The following KL variants were observed in gnomAD, a reference collection of about 807,000 sequenced individuals.
KL encodes klotho.
In KL, 62 loss-of-function variants were observed where a neutral mutation model predicts 84.2. The ratio of observed to expected loss-of-function variants is 0.74; its 90% CI spans 0.60 to 0.91. KL has a LOEUF of 0.91. Among genes scored for constraint, KL ranks in the 40% least tolerant of loss-of-function variants. The probability of loss-of-function intolerance (pLI) is 0.00; values close to 1 mark genes in which losing one functional copy is unlikely to be tolerated. For missense variants in KL, 1,261 were observed against 1,305.7 expected, an observed-to-expected ratio of 0.97 and a Z score of 0.53; for synonymous variants, 528 against 528.0, an observed-to-expected ratio of 1.00 and a Z score of 0.00.
chr13:33,040,705 C>A (rs975688740), intron 1 of KL, among the ~76,000 whole-genome samples: 2 of 152,158 alleles, frequency 1.3e-5, no homozygotes, highest in Admixed American at 6.5e-5. Context: ...TTCAGTATTA[C>A]CCCTGAAACA....
At chr13:33,050,909 C>A (rs577094943) in intron 1 of KL, among the ~76,000 whole-genome samples, 27 of 152,306 alleles carry the variant, frequency 1.8e-4, no homozygotes, top group Admixed American at 1.1e-3. Context: ...TTGTACAGAG[C>A]AGTAAGTGAG....
chr13:33,047,387 C>G (rs1198955), intron 1 of KL, among the ~76,000 whole-genome samples: 100,108 of 149,344 alleles, frequency 0.67, 33,845 homozygotes, highest in Admixed American at 0.77. Flanking sequence ...GAGTCTTGCT[C>G]TGTTGCCCAG....
chr13:33,061,478 C>G lies in KL; in HGVS notation c.2399C>G (p.Thr800Ser), dbSNP rs1013502939. Residue 800 changes from threonine to serine, a missense_variant, in exon 4 of 5, where the codon ACC becomes AGC. Thr to Ser is a moderately conservative substitution (Grantham distance 58). Transcript: ENST00000380099. The part of the protein sequence containing the change: ...TEDEKKLIQG[T>S]FDFLALSHYT... ...GATGAAAAAAAGCTAATCCAGGGTA[C>G]CTTTGACTTTTTGGCTTTAAGCCAT... The G allele has an allele frequency of 1.9e-6, 3 of 1,614,028 alleles. No individual in the cohort carries two copies. Among genetic ancestry groups the G allele is most frequent in the African/African-American group, 1.3e-5 (1 of 74,902 alleles).
intron 1 of KL, among the ~76,000 whole-genome samples, chr13:33,032,392 A>C (rs1871003480): frequency 6.6e-6 from 1 of 152,154 alleles, no homozygotes; most frequent in African/African-American, 2.4e-5. Flanking sequence ...AGTCATCTGA[A>C]GCTTGAACGG....
intron 1 of KL, among the ~76,000 whole-genome samples, chr13:33,037,611 C>CT (rs1871186800): frequency 6.6e-6 from 1 of 152,186 alleles, no homozygotes; most frequent in African/African-American, 2.4e-5. Context: ...TATCCTTTGA[C>CT]TCTGGCCTTC....
At chr13:33,017,588 G>A (rs2138184929) in intron 1 of KL, among the ~76,000 whole-genome samples, 1 of 152,328 alleles carries the variant, frequency 6.6e-6, no homozygotes, top group East Asian at 1.9e-4. Flanking sequence ...TTTGCTAGGA[G>A]TAACTGCAGG....
intron 1 of KL, among the ~76,000 whole-genome samples, chr13:33,018,454 G>A (rs1870452131): frequency 6.6e-6 from 1 of 152,198 alleles, no homozygotes; most frequent in Admixed American, 6.5e-5. Context: ...TGTAATAATG[G>A]CTAAATTAGA....
intron 1 of KL, among the ~76,000 whole-genome samples, chr13:33,042,496 G>A (rs1871372715): frequency 6.6e-6 from 1 of 151,326 alleles, no homozygotes; most frequent in African/African-American, 2.4e-5. Context: ...CTCTGTGTCT[G>A]AGTTCTTTCA....
At chr13:33,045,476 T>G (rs1370445176) in intron 1 of KL, among the ~76,000 whole-genome samples, 1 of 152,164 alleles carries the variant, frequency 6.6e-6, no homozygotes, top group Non-Finnish European at 1.5e-5. Flanking sequence ...TTTCATAATT[T>G]TTTGTTTGTT....
intron 1 of KL, among the ~76,000 whole-genome samples, chr13:33,031,619 G>C (rs552304464): frequency 6.6e-6 from 1 of 151,972 alleles, no homozygotes; most frequent in Non-Finnish European, 1.5e-5. Flanking sequence ...CAGACATTTC[G>C]GAAAATAAGG....
intron 1 of KL, among the ~76,000 whole-genome samples, chr13:33,022,476 T>A (rs1180861193): frequency 6.6e-6 from 1 of 152,236 alleles, no homozygotes; most frequent in Non-Finnish European, 1.5e-5. Context: ...ACACAGCTTA[T>A]TGAATTGTCT....
At chr13:33,040,456 A>G (rs1209442689) in intron 1 of KL, among the ~76,000 whole-genome samples, 1 of 152,136 alleles carries the variant, frequency 6.6e-6, no homozygotes, top group African/African-American at 2.4e-5. Flanking sequence ...CTTTTTGAAA[A>G]CGGTCACCTT....
In KL at chr13:33,016,555, G is replaced by C; in HGVS notation, c.115G>C (p.Ala39Pro). Reference sequence around the variant, plus strand: ...CCTGCGTGCGGAGCCGGGCGACGGCGCGCAGACCTGGGCCCGTTTCTCGCG... The same window carrying C: ...CCTGCGTGCGGAGCCGGGCGACGGCCCGCAGACCTGGGCCCGTTTCTCGCG... ...RRLRAEPGDGAQTWARFSRPP... is the reference protein window; with the variant it reads ...RRLRAEPGDGPQTWARFSRPP... The change falls in exon 1 of 5, where the codon GCG becomes CCG. Residue 39 changes from alanine to proline, a missense_variant. Ala to Pro is a conservative substitution (Grantham distance 27). Transcript: ENST00000380099. The C allele has an allele frequency of 2.1e-6, 3 of 1,428,478 alleles. No individual in the cohort carries two copies. The highest frequency in any genetic ancestry group is 2.7e-6 in the Non-Finnish European group (3 of 1,095,412). The allele number at this position is 1,428,478 out of a possible 1,614,324, so 88.5% of individuals were successfully genotyped here.
At chr13:33,017,286 C>T (rs1870402593) in intron 1 of KL, 27 bp downstream of exon 1, 2 of 1,531,970 alleles carry the variant, frequency 1.3e-6, no homozygotes, top group Non-Finnish European at 1.8e-6. Flanking sequence ...AGGCGGAGGG[C>T]CACGCAGGGG....
intron 1 of KL, among the ~76,000 whole-genome samples, chr13:33,044,105 T>C (rs1047010003): frequency 6.6e-6 from 1 of 152,246 alleles, no homozygotes; most frequent in African/African-American, 2.4e-5. Flanking sequence ...TGTTGCCACA[T>C]AATTGCTTTG....
At chr13:33,052,044 TCTCCTGGG>T (rs1157473492) in intron 1 of KL, among the ~76,000 whole-genome samples, 1 of 152,190 alleles carries the variant, frequency 6.6e-6, no homozygotes, top group Non-Finnish European at 1.5e-5. Flanking sequence ...GAAGCCTCCA[TCTCCTGGG>T]CTCAAGTGAT....
intron 1 of KL, among the ~76,000 whole-genome samples, chr13:33,047,288 CTTTATA>C (rs1241067859): frequency 6.6e-6 from 1 of 151,678 alleles, no homozygotes; most frequent in African/African-American, 2.4e-5. Context: ...TACATGATCA[CTTTATA>C]TTTATAGTAT....
At position 33,061,689 on chromosome 13, in the gene KL, A is replaced by T. The variant is rs1427522282; in HGVS notation, c.2610A>T (p.Ile870=). 6.2e-7 allele frequency: 1 copy of T among 1,614,058 alleles called. No individual in the cohort carries two copies. The highest frequency in any genetic ancestry group is 1.3e-5 in the African/African-American group (1 of 75,022). The change falls in exon 4 of 5, where the codon ATA becomes ATT. Residue 870 remains isoleucine (I), a synonymous_variant. Transcript: ENST00000380099. ...KFKYGDLPMY[I]ISNGIDDGLH... is the part of the protein sequence containing the mutation. ...AGTACGGAGACCTCCCCATGTACAT[A>T]ATATCCAATGGAATCGATGACGGGC...
At position 33,060,286 on chromosome 13, in the gene KL, T is replaced by A. The variant is rs114701374; in HGVS notation, c.1600-393T>A. Among the ~76,000 whole-genome samples the A allele has an allele frequency of 4.2e-3, 640 of 152,296 alleles. 6 individuals are homozygous for A. Among genetic ancestry groups the A allele is most frequent in the African/African-American group, 0.015 (610 of 41,562 alleles). On this transcript the variant is annotated intron_variant, in intron 3 of 4. Coordinates refer to ENST00000380099, the MANE Select transcript of KL (RefSeq NM_004795.4). The stretch of plus-strand genomic sequence containing the variant: ...AAGTTTTTTCTTTTTTTCATCTAGT[T>A]TTTTTTCTTTTTAAATTTGAAAGCC...
Sources: gnomAD v4.1 joint callset for allele counts (sites outside exome capture counted in the v4.1 genomes callset) on GRCh38, gnomAD v4.1.1 for gene constraint, MANE v1.5 for transcripts, NCBI Gene and HGNC (gene_info 2026-07-23, HGNC 2026-07-21) for gene names.